RABGAP1L: variants seen among roughly 807,000 people sequenced by gnomAD.
RABGAP1L encodes the protein RAB GTPase activating protein 1 like.
Under a neutral mutation model 137.7 loss-of-function variants are expected in RABGAP1L, and 63 were observed. The observed-to-expected ratio is 0.46, with a 90% confidence interval of 0.37 to 0.56. RABGAP1L has a LOEUF of 0.56. Ranked by LOEUF, RABGAP1L falls within the 20% of genes least tolerant of loss-of-function variation. The probability of loss-of-function intolerance (pLI) is 0.00; values close to 1 mark genes in which losing one functional copy is unlikely to be tolerated. For missense variants in RABGAP1L, 1,095 were observed against 1,244.0 expected (o/e 0.88, Z 1.80); for synonymous variants, 431 against 433.7 (o/e 0.99, Z 0.08).
In RABGAP1L at chr1:174,468,333, A is replaced by T. The variant is rs538232789; in HGVS notation, c.1710+74188A>T. Among the ~76,000 whole-genome samples the T allele has an allele frequency of 1.1e-4, 16 of 152,284 alleles. No homozygotes were observed. The East Asian group carries it at 2.7e-3, about 26-fold the overall frequency. On this transcript the variant is annotated intron_variant, in intron 13 of 25. Coordinates refer to ENST00000681986, the MANE Select transcript of RABGAP1L (RefSeq NM_001366446.1). ...TATAATAGAGGGATTGTTATGGCTT[A>T]TACTGAAATACTAGAAGAGAGTTTT...
At chr1:174,634,980 A>T (rs1036315497) in intron 13 of RABGAP1L, among the ~76,000 whole-genome samples, 1 of 150,418 alleles carries the variant, frequency 6.6e-6, no homozygotes, top group Non-Finnish European at 1.5e-5. Flanking sequence ...ACATGTATAC[A>T]TATGTATCTA....
At chr1:174,872,231 A>T (rs1347066496) in intron 19 of RABGAP1L, among the ~76,000 whole-genome samples, 5 of 151,954 alleles carry the variant, frequency 3.3e-5, no homozygotes, top group Admixed American at 6.6e-5. Flanking sequence ...AAGGATAATG[A>T]GCTGAATGGC....
At chr1:174,927,190 T>C (rs1421159582) in intron 19 of RABGAP1L, among the ~76,000 whole-genome samples, 1 of 152,190 alleles carries the variant, frequency 6.6e-6, no homozygotes, top group Admixed American at 6.5e-5. Flanking sequence ...AGGTTCAGAT[T>C]GATCATTTAT....
intron 13 of RABGAP1L, among the ~76,000 whole-genome samples, chr1:174,604,929 A>C (rs1409243318): frequency 6.6e-6 from 1 of 152,164 alleles, no homozygotes; most frequent in Non-Finnish European, 1.5e-5. Flanking sequence ...ATATCACTTG[A>C]GGTCAGGATT....
Position 174,531,743 on chromosome 1 carries a change from C to T in RABGAP1L, c.1711-105632C>T, listed in dbSNP as rs973642470. On this transcript the variant is annotated intron_variant, in intron 13 of 25. Transcript: ENST00000681986. ...CAGGAAATATGGTGAGATACTGTCT[C>T]GGGGGTGGGGGGGGGGAAGATATAC... Among the ~76,000 whole-genome samples the T allele has an allele frequency of 8.1e-5, 7 of 86,772 alleles. No individual in the cohort carries two copies. In the South Asian group the frequency reaches 1.2e-3, roughly 15 times the overall value. 56.9% of individuals were successfully genotyped at this position (86,772 alleles called of 152,430 possible).
At chr1:174,442,389 G>T (rs551434570) in intron 13 of RABGAP1L, among the ~76,000 whole-genome samples, 1 of 151,766 alleles carries the variant, frequency 6.6e-6, no homozygotes, top group African/African-American at 2.4e-5. Flanking sequence ...CTTGAAAATC[G>T]TTATTCTAAT....
At chr1:174,389,986 A>G (rs758666035) in intron 12 of RABGAP1L, among the ~76,000 whole-genome samples, 1 of 152,198 alleles carries the variant, frequency 6.6e-6, no homozygotes, top group Non-Finnish European at 1.5e-5. Flanking sequence ...GTATCAAAGC[A>G]ATGGCAATGT....
chr1:174,401,084 C>T (rs1202978379), intron 13 of RABGAP1L, among the ~76,000 whole-genome samples: 1 of 152,012 alleles, frequency 6.6e-6, no homozygotes. Context: ...CCAAGCAGGA[C>T]CAGTCAGAAG....
intron 18 of RABGAP1L, among the ~76,000 whole-genome samples, chr1:174,780,107 TAAA>T (rs377121400): frequency 0.1 from 14,835 of 146,966 alleles, 980 homozygotes; most frequent in Middle Eastern, 0.17. Flanking sequence ...AATAAATAAA[TAAA>T]TAAATAAATT....
At chr1:174,615,501 C>T (rs528790707) in intron 13 of RABGAP1L, among the ~76,000 whole-genome samples, 1 of 152,210 alleles carries the variant, frequency 6.6e-6, no homozygotes, top group African/African-American at 2.4e-5. Context: ...GGGTGCCTCC[C>T]AGTTAGGCTT....
rs551722854 is a variant in RABGAP1L at position 174,800,986 on chromosome 1, T to C, written c.2212-10846T>C. Among the ~76,000 whole-genome samples the C allele has an allele frequency of 4.6e-5, 7 of 152,348 alleles. No individual in the cohort carries two copies. The East Asian group carries it at 9.6e-4, about 21-fold the overall frequency. ...AGAATTTTACCACCTAAAAATACTT[T>C]GGTAGGAAATTTTAGGTTTCTCTCC... On this transcript the variant is annotated intron_variant, in intron 18 of 25. Transcript: ENST00000681986.
intron 9 of RABGAP1L, among the ~76,000 whole-genome samples, chr1:174,278,042 TA>T (rs1675146313): frequency 6.6e-6 from 1 of 152,164 alleles, no homozygotes; most frequent in African/African-American, 2.4e-5. Context: ...AAATAAATTT[TA>T]AAAAATATTT....
chr1:174,352,450 A>G (rs936145351), intron 11 of RABGAP1L, among the ~76,000 whole-genome samples: 4 of 152,138 alleles, frequency 2.6e-5, no homozygotes, highest in African/African-American at 4.8e-5. Context: ...TGTTAAATTT[A>G]TATGATATGA....
At chr1:174,896,699 C>A (rs1384561706) in intron 19 of RABGAP1L, among the ~76,000 whole-genome samples, 1 of 152,148 alleles carries the variant, frequency 6.6e-6, no homozygotes, top group African/African-American at 2.4e-5. Flanking sequence ...AATAGGGAAT[C>A]CTTTCCCCAT....
intron 11 of RABGAP1L, among the ~76,000 whole-genome samples, chr1:174,308,634 T>G (rs1001314239): frequency 1.3e-5 from 2 of 152,250 alleles, no homozygotes; most frequent in Admixed American, 6.5e-5. Flanking sequence ...TTGAAGAGAC[T>G]GTTCTTTCCC....
chr1:174,780,857 G>T (rs61071455), intron 18 of RABGAP1L, among the ~76,000 whole-genome samples: 10,872 of 149,780 alleles, frequency 0.073, 585 homozygotes, highest in East Asian at 0.31. Context: ...TGCTGAGAAT[G>T]ATGGTTTCCA....
At chr1:174,609,491 C>G (rs543364951) in intron 13 of RABGAP1L, among the ~76,000 whole-genome samples, 20 of 152,162 alleles carry the variant, frequency 1.3e-4, no homozygotes, top group African/African-American at 4.8e-4. Flanking sequence ...AAGGGAATTT[C>G]AAACGAGAGG....
At position 174,240,398 on chromosome 1, in the gene RABGAP1L, C is replaced by T. The variant is rs112776042; in HGVS notation, c.543-1085C>T. 2.0e-3 allele frequency among the ~76,000 whole-genome samples: 304 copies of T among 152,292 alleles called. 1 individual carries two copies. Among genetic ancestry groups the T allele is most frequent in the African/African-American group, 6.7e-3 (279 of 41,562 alleles). ...AATAGCTGGGAATACCGGTTCCCAC[C>T]GCCATGCCTGGCTGATTTTTGTATT... On this transcript the variant is annotated intron_variant, in intron 4 of 25. Coordinates refer to ENST00000681986, the MANE Select transcript of RABGAP1L (RefSeq NM_001366446.1).
Position 174,945,114 on chromosome 1 carries a change from A to G in RABGAP1L, c.2341-12343A>G, listed in dbSNP as rs546121350. Among the ~76,000 whole-genome samples the G allele has an allele frequency of 5.9e-5, 9 of 152,298 alleles. No individual in the cohort carries two copies. In the East Asian group the frequency reaches 9.6e-4, roughly 16 times the overall value. On this transcript the variant is annotated intron_variant, in intron 19 of 25. Transcript: ENST00000681986. ...TCTCCTCTCTTATTGTCTGTGTTCA[A>G]ATAGTTTAATTAACTCACTCTGAAT... is the stretch of plus-strand genomic sequence containing the variant.
Sources: gnomAD v4.1 joint callset for allele counts (sites outside exome capture counted in the v4.1 genomes callset) on GRCh38, gnomAD v4.1.1 for gene constraint, MANE v1.5 for transcripts, NCBI Gene and HGNC (gene_info 2026-07-23, HGNC 2026-07-21) for gene names.